The following GRHL2 variants were observed in gnomAD, a reference collection of about 807,000 sequenced individuals.
GRHL2 encodes grainyhead-like protein 2 homolog.
In GRHL2, 21 loss-of-function variants were observed where a neutral mutation model predicts 83.8. The ratio of observed to expected loss-of-function variants is 0.25; its 90% CI spans 0.18 to 0.36. The LOEUF is 0.36. Among genes scored for constraint, GRHL2 ranks in the 10% least tolerant of loss-of-function variants. The pLI, the probability that GRHL2 is intolerant of heterozygous loss-of-function variation, is 1.00. For missense variants in GRHL2, 623 were observed against 781.8 expected (o/e 0.80, Z 2.42); for synonymous variants, 280 against 278.9 (o/e 1.00, Z -0.04).
At chr8:101,555,127 GC>G (rs1257316375) in intron 3 of GRHL2, among the ~76,000 whole-genome samples, 1 of 152,168 alleles carries the variant, frequency 6.6e-6, no homozygotes, top group Non-Finnish European at 1.5e-5. Flanking sequence ...AAGAAACTTT[GC>G]CCCAAATGGA....
intron 1 of GRHL2, among the ~76,000 whole-genome samples, chr8:101,542,152 A>C (rs1811166640): frequency 6.6e-6 from 1 of 152,262 alleles, no homozygotes; most frequent in African/African-American, 2.4e-5. Context: ...AGATTAAACT[A>C]GATAAAACAG....
intron 2 of GRHL2, among the ~76,000 whole-genome samples, chr8:101,547,264 C>G (rs985404923): frequency 3.7e-4 from 56 of 152,100 alleles, no homozygotes; most frequent in African/African-American, 1.3e-3. Flanking sequence ...TGCGTGTAAA[C>G]TCTGGGAAGT....
chr8:101,508,403 T>TTC (rs199937469), intron 1 of GRHL2, among the ~76,000 whole-genome samples: 16 of 151,696 alleles, frequency 1.1e-4, no homozygotes, highest in East Asian at 1.9e-4. Context: ...TTTTTTTTTT[T>TTC]CATCACGGGA....
At chr8:101,623,263 C>T (rs1360665510) in intron 9 of GRHL2, among the ~76,000 whole-genome samples, 1 of 152,258 alleles carries the variant, frequency 6.6e-6, no homozygotes. Context: ...CCAGCCATCA[C>T]AGCAGCACAG....
chr8:101,632,299 T>C lies in GRHL2; in HGVS notation c.1419T>C (p.Asp473=), dbSNP rs760748809. Residue 473 remains aspartate (D), a synonymous_variant, in exon 11 of 16, where the codon GAT becomes GAC. Coordinates refer to ENST00000646743, the MANE Select transcript of GRHL2 (RefSeq NM_024915.4). ...TCACCTACTTCAAAACCATGCCTGATCTCCACTCACAGCCAGTTCTCTTCA... is the reference window on the plus strand; with the variant it reads ...TCACCTACTTCAAAACCATGCCTGACCTCCACTCACAGCCAGTTCTCTTCA... ...SDITYFKTMP[D]LHSQPVLFIP... The C allele has an allele frequency of 1.9e-6, 3 of 1,614,040 alleles. No individual in the cohort carries two copies. The highest frequency in any genetic ancestry group is 2.5e-6 in the Non-Finnish European group (3 of 1,179,942).
chr8:101,519,558 CTTT>C (rs1156774756), intron 1 of GRHL2, among the ~76,000 whole-genome samples: 5 of 130,306 alleles, frequency 3.8e-5, no homozygotes, highest in Admixed American at 1.6e-4. Flanking sequence ...CCATGACCAG[CTTT>C]TTTTTTTTTT....
At chr8:101,563,754 A>G (rs1463326069) in intron 4 of GRHL2, among the ~76,000 whole-genome samples, 1 of 151,684 alleles carries the variant, frequency 6.6e-6, no homozygotes, top group Non-Finnish European at 1.5e-5. Flanking sequence ...AAACTGAATG[A>G]AGGATCTTGT....
intron 7 of GRHL2, 68 bp from the exon 8 acceptor site, chr8:101,598,989 A>T (rs899728793): frequency 9.5e-7 from 1 of 1,055,022 alleles, no homozygotes; most frequent in Non-Finnish European, 1.5e-6. Context: ...TTGGAAAATG[A>T]TGGTTCAGTA....
At chr8:101,649,261 C>T (rs1281527570) in intron 13 of GRHL2, among the ~76,000 whole-genome samples, 153 bp from the exon 14 acceptor site, 1 of 152,154 alleles carries the variant, frequency 6.6e-6, no homozygotes, top group Non-Finnish European at 1.5e-5. Flanking sequence ...GTCTCAGTCA[C>T]CCTTGTTGAA....
chr8:101,564,594 C>T (rs999661347), intron 4 of GRHL2, among the ~76,000 whole-genome samples: 5 of 151,896 alleles, frequency 3.3e-5, no homozygotes, highest in African/African-American at 1.2e-4. Context: ...TCATTTGAGC[C>T]CATGAGTTCA....
At chr8:101,677,016 A>C in the GRHL2 span, among the ~76,000 whole-genome samples, 1 of 151,552 alleles carries the variant, frequency 6.6e-6, no homozygotes, top group African/African-American at 2.4e-5. Context: ...AACAATGAGA[A>C]CACATGGACA....
downstream of GRHL2, among the ~76,000 whole-genome samples, chr8:101,671,755 A>T (rs949952748): frequency 6.6e-6 from 1 of 152,052 alleles, no homozygotes; most frequent in East Asian, 1.9e-4. Flanking sequence ...CGGGTCCTTG[A>T]CCCCCAAGCA....
intron 4 of GRHL2, chr8:101,562,006 G>A: frequency 2.5e-6 from 2 of 787,330 alleles, no homozygotes; most frequent in East Asian, 2.8e-5. Context: ...TTTTTAAGAA[G>A]CATCTTCCAT....
chr8:101,563,302 AGT>A (rs1811644270), intron 4 of GRHL2, among the ~76,000 whole-genome samples: 1 of 152,162 alleles, frequency 6.6e-6, no homozygotes, highest in Non-Finnish European at 1.5e-5. Context: ...TGCTTAAGAC[AGT>A]GATTCACCAA....
rs116975474 is a variant in GRHL2 at position 101,518,688 on chromosome 8, A to T, written c.21-24553A>T. 5.8e-3 allele frequency among the ~76,000 whole-genome samples: 883 copies of T among 152,292 alleles called. 6 individuals carry two copies. Among genetic ancestry groups the T allele is most frequent in the Non-Finnish European group, 9.9e-3 (675 of 68,016 alleles). ...CAGAACGATTCACTCCAAGTCAATG[A>T]GTTAGCTCTGCAAGTATGAGATCGT... On this transcript the variant is annotated intron_variant, in intron 1 of 15. Transcript: ENST00000646743.
intron 12 of GRHL2, among the ~76,000 whole-genome samples, chr8:101,641,290 A>G (rs1813395429): frequency 1.3e-5 from 2 of 152,196 alleles, no homozygotes; most frequent in Non-Finnish European, 2.9e-5. Flanking sequence ...AGATTTGAAT[A>G]TAAGATGACC....
At chr8:101,494,375 C>T (rs1210151242) in intron 1 of GRHL2, among the ~76,000 whole-genome samples, 1 of 152,190 alleles carries the variant, frequency 6.6e-6, no homozygotes, top group Non-Finnish European at 1.5e-5. Flanking sequence ...CCCCGTTAGC[C>T]ACCGATGAGG....
chr8:101,614,815 C>A (rs571910755), intron 8 of GRHL2, among the ~76,000 whole-genome samples: 1 of 152,304 alleles, frequency 6.6e-6, no homozygotes, highest in South Asian at 2.1e-4. Context: ...CTGCCCACCC[C>A]CAATTTCAGT....
Position 101,667,618 on chromosome 8 carries a change from T to G in GRHL2, c.*915T>G, listed in dbSNP as rs1307458212. 2.0e-5 allele frequency: 3 copies of G among 152,448 alleles called. No individual in the cohort carries two copies. The highest frequency in any genetic ancestry group is 7.2e-5 in the African/African-American group (3 of 41,448). The allele number at this position is 152,448 out of a possible 1,614,324, so 9.4% of individuals were successfully genotyped here. A position where few individuals can be genotyped will look rare whatever the true frequency, so the allele number is the denominator to read the frequency against. On this transcript the variant is annotated 3_prime_UTR_variant, in exon 16 of 16. Coordinates refer to ENST00000646743, the MANE Select transcript of GRHL2 (RefSeq NM_024915.4). ...CCTTCTCCATGGGCATGACTCTCCT[T>G]CGAGGCCACCACGTTTATCTCACAA...
Sources: gnomAD v4.1 joint callset for allele counts (sites outside exome capture counted in the v4.1 genomes callset) on GRCh38, gnomAD v4.1.1 for gene constraint, MANE v1.5 for transcripts, NCBI Gene and HGNC (gene_info 2026-07-23, HGNC 2026-07-21) for gene names.